The following KIAA1671 variants were observed in gnomAD, a reference collection of about 807,000 sequenced individuals.
KIAA1671 encodes uncharacterized protein KIAA1671.
Under a neutral mutation model 131.2 loss-of-function variants are expected in KIAA1671, and 52 were observed. That is an observed-to-expected ratio of 0.40 (90% CI 0.32 to 0.50). The LOEUF is 0.50. Among genes scored for constraint, KIAA1671 ranks in the 20% least tolerant of loss-of-function variants. KIAA1671 has a pLI of 0.73. For missense variants in KIAA1671, 2,360 were observed against 2,364.2 expected, an observed-to-expected ratio of 1.00 and a Z score of 0.04; for synonymous variants, 1,003 against 961.6, an observed-to-expected ratio of 1.04 and a Z score of -0.80.
intron 6 of KIAA1671, among the ~76,000 whole-genome samples, chr22:25,121,059 T>A (rs1190570863): frequency 6.6e-6 from 1 of 152,224 alleles, no homozygotes; most frequent in Non-Finnish European, 1.5e-5. Context: ...GATGTTTTGT[T>A]CAGACAAATG....
chr22:25,163,321 A>G (rs1601371854), intron 6 of KIAA1671, among the ~76,000 whole-genome samples: 1 of 117,098 alleles, frequency 8.5e-6, no homozygotes, highest in African/African-American at 3.4e-5. Flanking sequence ...AGAGTGAGAC[A>G]TTGCCTCAAA....
At chr22:25,111,440 G>T (rs1173778538) in intron 6 of KIAA1671, among the ~76,000 whole-genome samples, 1 of 152,220 alleles carries the variant, frequency 6.6e-6, no homozygotes, top group Non-Finnish European at 1.5e-5. Flanking sequence ...CCTCCCCGAG[G>T]CCCCTCCTGC....
chr22:25,166,116 G>A (rs1184149481), intron 6 of KIAA1671, among the ~76,000 whole-genome samples: 1 of 152,248 alleles, frequency 6.6e-6, no homozygotes, highest in Non-Finnish European at 1.5e-5. Context: ...TCCCTCGGAA[G>A]CTGCCGCCGT....
intron 6 of KIAA1671, among the ~76,000 whole-genome samples, chr22:25,122,557 G>A (rs1384142088): frequency 6.6e-6 from 1 of 152,206 alleles, no homozygotes; most frequent in East Asian, 1.9e-4. Flanking sequence ...CTGGAACACT[G>A]CCACTTCAAT....
chr22:25,093,569 T>C (rs1240572654), intron 6 of KIAA1671, among the ~76,000 whole-genome samples: 1 of 151,964 alleles, frequency 6.6e-6, no homozygotes, highest in Non-Finnish European at 1.5e-5. Context: ...TCTCATTAAG[T>C]CCATTTTGAA....
intron 6 of KIAA1671, among the ~76,000 whole-genome samples, chr22:25,082,865 A>G (rs1458140292): frequency 6.6e-6 from 1 of 152,148 alleles, no homozygotes; most frequent in Non-Finnish European, 1.5e-5. Context: ...AACACCTGAT[A>G]TTTTATATAG....
chr22:25,007,995 C>G (rs1004159632), intron 1 of KIAA1671, among the ~76,000 whole-genome samples: 1 of 151,712 alleles, frequency 6.6e-6, no homozygotes, highest in East Asian at 1.9e-4. Context: ...CAAGAGCTCT[C>G]GAGACCAGCC....
chr22:25,095,165 C>A (rs1453076219), intron 6 of KIAA1671, among the ~76,000 whole-genome samples: 2 of 152,150 alleles, frequency 1.3e-5, no homozygotes, highest in Admixed American at 1.3e-4. Context: ...ATCTCTGAAC[C>A]TCAGTTTCCC....
intron 6 of KIAA1671, among the ~76,000 whole-genome samples, chr22:25,098,678 A>G (rs1930506508): frequency 6.6e-6 from 1 of 151,840 alleles, no homozygotes; most frequent in African/African-American, 2.4e-5. Context: ...GCTCTGGAAG[A>G]GACTAAATCT....
intron 6 of KIAA1671, among the ~76,000 whole-genome samples, chr22:25,125,298 A>G (rs190957735): frequency 6.6e-6 from 1 of 152,354 alleles, no homozygotes; most frequent in African/African-American, 2.4e-5. Flanking sequence ...TGTGCCAGCC[A>G]CTGAGCTAAG....
chr22:25,169,261 T>A (rs715607), intron 6 of KIAA1671, among the ~76,000 whole-genome samples: 38,822 of 151,568 alleles, frequency 0.26, 5,697 homozygotes, highest in East Asian at 0.48. Context: ...TACAAAAAAA[T>A]TTTTTTAAAT....
intron 6 of KIAA1671, among the ~76,000 whole-genome samples, chr22:25,169,010 T>A (rs965416031): frequency 2.0e-5 from 3 of 152,144 alleles, no homozygotes; most frequent in Non-Finnish European, 4.4e-5. Context: ...CAGCAGAATG[T>A]GCCTCCTGAT....
intron 9 of KIAA1671, chr22:25,179,165 C>A (rs1401465570): frequency 1.1e-6 from 1 of 877,108 alleles, no homozygotes; most frequent in Non-Finnish European, 1.8e-6. Context: ...CAGGGCAGGG[C>A]GGCTGAGTGC....
chr22:24,972,784 G>T (rs1922693396), intron 1 of KIAA1671, among the ~76,000 whole-genome samples: 1 of 152,176 alleles, frequency 6.6e-6, no homozygotes, highest in Non-Finnish European at 1.5e-5. Flanking sequence ...AGGGTTCAGT[G>T]CCTTCGTAGT....
intron 6 of KIAA1671, 82 bp from the exon 7 acceptor site, chr22:25,170,738 C>T (rs1022663447): frequency 3.4e-5 from 46 of 1,364,770 alleles, no homozygotes; most frequent in South Asian, 5.0e-5. Context: ...GGGGGCCATG[C>T]GATCTGATTT....
chr22:25,101,008 G>A (rs1930633818), intron 6 of KIAA1671, among the ~76,000 whole-genome samples: 1 of 152,192 alleles, frequency 6.6e-6, no homozygotes, highest in African/African-American at 2.4e-5. Context: ...GCTTAGGGGA[G>A]GTCATGTGTT....
intron 7 of KIAA1671, among the ~76,000 whole-genome samples, chr22:25,173,096 C>T (rs964569512): frequency 3.3e-5 from 5 of 152,132 alleles, no homozygotes; most frequent in South Asian, 2.1e-4. Flanking sequence ...AAGCAAGGCA[C>T]GTCCTACCTG....
chr22:24,981,457 G>A (rs541634700), intron 1 of KIAA1671, among the ~76,000 whole-genome samples: 1 of 152,264 alleles, frequency 6.6e-6, no homozygotes, highest in South Asian at 2.1e-4. Context: ...ATACTTCCTA[G>A]GGAAGAAGAA....
chr22:25,023,889 G>GA (rs1250131420), intron 1 of KIAA1671: 1 of 151,460 alleles, frequency 6.6e-6, no homozygotes, highest in Non-Finnish European at 1.5e-5. Flanking sequence ...AGGTTGCAGT[G>GA]AGCTGAGATC....
Sources: gnomAD v4.1 joint callset for allele counts (sites outside exome capture counted in the v4.1 genomes callset) on GRCh38, gnomAD v4.1.1 for gene constraint, MANE v1.5 for transcripts, NCBI Gene and HGNC (gene_info 2026-07-23, HGNC 2026-07-21) for gene names.